FBXO45: variants seen among roughly 807,000 people sequenced by gnomAD.
The protein encoded by FBXO45 is F-box protein 45, also known as F-box/SPRY domain-containing protein 1.
FBXO45 carries 3 observed loss-of-function variants against 25.5 expected under a neutral mutation model. The ratio of observed to expected loss-of-function variants is 0.12; its 90% CI spans 0.05 to 0.30. The LOEUF (loss-of-function observed/expected upper bound fraction) is 0.30. FBXO45 is among the 10% of genes least tolerant of loss of function. FBXO45 has a pLI of 1.00. For missense variants in FBXO45, 219 were observed against 365.0 expected (o/e 0.60, Z 3.26); for synonymous variants, 155 against 149.8 (o/e 1.03, Z -0.25).
At chr3:196,578,041 A>G (rs1179595778) in intron 2 of FBXO45, among the ~76,000 whole-genome samples, 3 of 29,108 alleles carry the variant, frequency 1.0e-4, no homozygotes, top group Non-Finnish European at 1.8e-4. Flanking sequence ...ATGCAGAAAA[A>G]TATTCTTTTT....
At chr3:196,571,416 G>A (rs1397623035) in intron 1 of FBXO45, among the ~76,000 whole-genome samples, 1 of 151,878 alleles carries the variant, frequency 6.6e-6, no homozygotes, top group African/African-American at 2.4e-5. Flanking sequence ...TAGAGACACG[G>A]GGTCTCACCT....
In FBXO45 at chr3:196,587,459, T is replaced by C. The variant is rs1438567985; in HGVS notation, c.*3141T>C. 6.6e-6 allele frequency: 1 copy of C among 152,278 alleles called. No homozygotes were observed. Among genetic ancestry groups the C allele is most frequent in the East Asian group, 1.9e-4 (1 of 5,208 alleles). 9.4% of individuals were successfully genotyped at this position (152,278 alleles called of 1,614,324 possible). On this transcript the variant is annotated 3_prime_UTR_variant, in exon 3 of 3. Transcript: ENST00000311630. ...ATATTTAAAATCATTGTTCAGTGAT[T>C]AGGCATTTTCTGCCTTTTAGAATTA...
At chr3:196,580,332 CTCT>C (rs1735987771) in intron 2 of FBXO45, among the ~76,000 whole-genome samples, 1 of 152,096 alleles carries the variant, frequency 6.6e-6, no homozygotes, top group Admixed American at 6.6e-5. Flanking sequence ...CTACCTCAGC[CTCT>C]TGGGTAGCTG....
chr3:196,574,835 G>C (rs945080634), intron 1 of FBXO45, among the ~76,000 whole-genome samples: 1 of 152,142 alleles, frequency 6.6e-6, no homozygotes, highest in Non-Finnish European at 1.5e-5. Flanking sequence ...ATGTGTGGGA[G>C]AAGAAAGCAC....
Position 196,569,147 on chromosome 3 carries a change from G to A in FBXO45, c.163G>A (p.Glu55Lys). Reference protein sequence around the residue: ...ELVFSYLELSELRSCALVCKH... With the variant: ...ELVFSYLELSKLRSCALVCKH... ...GGTGTTCTCTTACCTGGAGCTGTCC[G>A]AGCTGCGGAGCTGCGCCCTGGTGTG... The change falls in exon 1 of 3, where the codon GAG becomes AAG. Residue 55 changes from glutamate to lysine, a missense_variant. Transcript: ENST00000311630. This position sits in a 1 kb window ranked among gnomAD's most constrained non-coding sequence, Gnocchi z 4.1. The A allele has an allele frequency of 1.3e-6, 2 of 1,550,566 alleles. No individual in the cohort carries two copies. Among genetic ancestry groups the A allele is most frequent in the Non-Finnish European group, 1.7e-6 (2 of 1,146,710 alleles).
At chr3:196,579,098 T>G (rs11706973) in intron 2 of FBXO45, among the ~76,000 whole-genome samples, 16 of 152,236 alleles carry the variant, frequency 1.1e-4, no homozygotes, top group Non-Finnish European at 2.2e-4. Flanking sequence ...CATCTTAGGC[T>G]TAAGGCATAC....
chr3:196,576,676 TC>T (rs2037187420), intron 1 of FBXO45, among the ~76,000 whole-genome samples: 1 of 152,178 alleles, frequency 6.6e-6, no homozygotes, highest in Non-Finnish European at 1.5e-5. Flanking sequence ...TACTGAAGAG[TC>T]AACTAACTTG....
rs1343248913 is a variant in FBXO45 at position 196,568,954 on chromosome 3, A to G, written c.-31A>G. ...AGAGACGGCGGGAAGCGGCGGCGGC[A>G]GCGGCGGCCCTAGGGCCGGCTGGTG... On this transcript the variant is annotated 5_prime_UTR_variant, in exon 1 of 3. Transcript: ENST00000311630. 2 of 987,242 alleles carry G rather than the reference A, an allele frequency of 2.0e-6. No homozygotes were observed. Among genetic ancestry groups the G allele is most frequent in the Admixed American group, 6.1e-5 (1 of 16,320 alleles). The allele number at this position is 987,242 out of a possible 1,614,324, so 61.2% of individuals were successfully genotyped here.
chr3:196,579,257 C>T (rs929363295), intron 2 of FBXO45, among the ~76,000 whole-genome samples: 2 of 152,176 alleles, frequency 1.3e-5, no homozygotes, highest in Non-Finnish European at 2.9e-5. Context: ...CCACCTGTGG[C>T]GTGAAAGTTC....
chr3:196,581,428 A>G (rs1736011501), intron 2 of FBXO45, among the ~76,000 whole-genome samples: 1 of 150,302 alleles, frequency 6.7e-6, no homozygotes, highest in Non-Finnish European at 1.5e-5. Context: ...ATGAGGTTTC[A>G]CCATGTTGGC....
Position 196,588,690 on chromosome 3 carries a change from CTT to C in FBXO45, c.*4374_*4375del, listed in dbSNP as rs1356315243. 1 of 152,196 alleles carries C rather than the reference CTT, an allele frequency of 6.6e-6. No individual in the cohort carries two copies. The highest frequency in any genetic ancestry group is 2.4e-5 in the African/African-American group (1 of 41,454). The allele number at this position is 152,196 out of a possible 1,614,324, so 9.4% of individuals were successfully genotyped here. ...GGGACAGGATCTCTAACGGACTCAT[CTT>C]TGTGCCACAACATGTAAGCCCAATA... On this transcript the variant is annotated 3_prime_UTR_variant, in exon 3 of 3. Coordinates refer to ENST00000311630, the MANE Select transcript of FBXO45 (RefSeq NM_001105573.2). The surrounding 1 kb of genome is among the most constrained non-coding windows in gnomAD (Gnocchi z 4.2).
chr3:196,578,046 C>CTTTTTTTTTTTTTG (rs775555553), intron 2 of FBXO45, among the ~76,000 whole-genome samples: 2 of 94,100 alleles, frequency 2.1e-5, no homozygotes, highest in African/African-American at 4.6e-5. Flanking sequence ...GAAAAATATT[C>CTTTTTTTTTTTTTG]TTTTTTTTTT....
At chr3:196,582,711 A>G (rs549760561) in intron 2 of FBXO45, among the ~76,000 whole-genome samples, 14 of 149,938 alleles carry the variant, frequency 9.3e-5, no homozygotes, top group African/African-American at 3.2e-4. Context: ...GCTGTTTTTT[A>G]TAACAAACAG....
chr3:196,574,302 A>G (rs564922481), intron 1 of FBXO45, among the ~76,000 whole-genome samples: 1 of 152,322 alleles, frequency 6.6e-6, no homozygotes, highest in African/African-American at 2.4e-5. Flanking sequence ...TGTAATCACA[A>G]TATGGTTATC....
At chr3:196,573,958 G>A (rs1180813671) in intron 1 of FBXO45, among the ~76,000 whole-genome samples, 31 of 103,738 alleles carry the variant, frequency 3.0e-4, no homozygotes, top group African/African-American at 1.1e-3. Flanking sequence ...TTTTTTTTGA[G>A]ACAGAGTCTT....
chr3:196,575,868 G>T (rs1363940503), intron 1 of FBXO45, among the ~76,000 whole-genome samples: 3 of 151,968 alleles, frequency 2.0e-5, no homozygotes, highest in Admixed American at 6.6e-5. Flanking sequence ...ACTAGAGTTG[G>T]GGTTTCGCCA....
intron 1 of FBXO45, among the ~76,000 whole-genome samples, chr3:196,573,938 C>CTTTTT (rs34587292): frequency 2.4e-5 from 3 of 125,766 alleles, no homozygotes; most frequent in African/African-American, 6.1e-5. Flanking sequence ...CTTTATTTTC[C>CTTTTT]TTTTTTTTTT....
chr3:196,584,112 C>A lies in FBXO45; in HGVS notation c.676-21C>A, dbSNP rs188774191. 6.2e-7 allele frequency: 1 copy of A among 1,609,060 alleles called. No homozygotes were observed. Among genetic ancestry groups the A allele is most frequent in the South Asian group, 1.1e-5 (1 of 90,048 alleles). ...ACACCCTTGGCAGATTTTCTTCTAA[C>A]CTTTTGATATCTGTTTGCAGATAGG... On this transcript the variant is annotated intron_variant, in intron 2 of 2. Transcript: ENST00000311630. The surrounding 1 kb of genome is among the most constrained non-coding windows in gnomAD (Gnocchi z 4.3).
At chr3:196,580,299 G>A (rs927803027) in intron 2 of FBXO45, among the ~76,000 whole-genome samples, 3 of 150,334 alleles carry the variant, frequency 2.0e-5, no homozygotes, top group African/African-American at 7.4e-5. Flanking sequence ...TCTGCCTCCC[G>A]GGTCCCGGTT....
Sources: allele counts gnomAD v4.1 joint callset (sites outside exome capture counted in the v4.1 genomes callset), GRCh38; gene constraint gnomAD v4.1.1; non-coding constraint Gnocchi (gnomAD v3.1); transcripts MANE v1.5; gene names NCBI Gene and HGNC (gene_info 2026-07-23, HGNC 2026-07-21).